The following LYZL1 variants were observed in gnomAD, a reference collection of about 807,000 sequenced individuals.
The protein encoded by LYZL1 is lysozyme-like protein 1.
Under a neutral mutation model 17.9 loss-of-function variants are expected in LYZL1, and 16 were observed. That is an observed-to-expected ratio of 0.90 (90% CI 0.61 to 1.36). The LOEUF (loss-of-function observed/expected upper bound fraction) is 1.36, where lower values mean the gene tolerates loss of function less well. LYZL1 is among the 40% of genes most tolerant of loss of function. LYZL1 has a pLI of 0.00. For missense variants in LYZL1, 149 were observed against 188.4 expected (o/e 0.79, Z 1.22); for synonymous variants, 58 against 71.8 (o/e 0.81, Z 0.97).
downstream of LYZL1, among the ~76,000 whole-genome samples, chr10:29,311,498 C>T (rs1013489556): frequency 2.6e-5 from 4 of 152,022 alleles, no homozygotes; most frequent in South Asian, 2.1e-4. Flanking sequence ...CCAGAAGGAC[C>T]GTCTATGCAT....
At chr10:29,292,715 C>A in intron 3 of LYZL1, 38 bp downstream of exon 3, 1 of 1,583,628 alleles carries the variant, frequency 6.3e-7, no homozygotes, top group Non-Finnish European at 8.6e-7. Flanking sequence ...ATCCTCAGGA[C>A]TAGGCGAGAA....
downstream of LYZL1, among the ~76,000 whole-genome samples, chr10:29,316,212 C>T (rs1835727866): frequency 6.6e-6 from 1 of 152,178 alleles, no homozygotes; most frequent in African/African-American, 2.4e-5. Flanking sequence ...CAGCACTCTG[C>T]CTTGAGCAGG....
At chr10:29,315,435 A>T (rs7393995), downstream of LYZL1, among the ~76,000 whole-genome samples, 1 of 151,798 alleles carries the variant, frequency 6.6e-6, no homozygotes, top group Middle Eastern at 3.2e-3. Context: ...TTGCTTGAAC[A>T]CTGAGGCGGA....
At chr10:29,317,991 T>G (rs558948713) in intron 4 of LYZL1, among the ~76,000 whole-genome samples, 48 of 152,242 alleles carry the variant, frequency 3.2e-4, no homozygotes, top group African/African-American at 8.7e-4. Flanking sequence ...TGCATTTTTC[T>G]TTGTCTATAA....
At chr10:29,304,882 A>G (rs1395876945) in intron 3 of LYZL1, among the ~76,000 whole-genome samples, 1 of 152,090 alleles carries the variant, frequency 6.6e-6, no homozygotes, top group African/African-American at 2.4e-5. Context: ...TGCGCAACTA[A>G]ATGCTATAAC....
chr10:29,301,577 T>C (rs185785724), intron 3 of LYZL1, among the ~76,000 whole-genome samples: 22 of 152,356 alleles, frequency 1.4e-4, no homozygotes, highest in Non-Finnish European at 2.9e-4. Flanking sequence ...GTCCCCTGTA[T>C]GTAATATGTC....
At chr10:29,289,546 G>A (rs545453126) in intron 1 of LYZL1, among the ~76,000 whole-genome samples, 1 of 150,908 alleles carries the variant, frequency 6.6e-6, no homozygotes, top group South Asian at 2.1e-4. Context: ...AGCCTCCCCA[G>A]TAGCTGGGAC....
At position 29,310,975 on chromosome 10, in the gene LYZL1, C is replaced by T. The variant is rs776703115; in HGVS notation, c.378-15C>T. 7 of 1,614,184 alleles carry T rather than the reference C, an allele frequency of 4.3e-6. No individual in the cohort carries two copies. Among genetic ancestry groups the T allele is most frequent in the Non-Finnish European group, 5.9e-6 (7 of 1,180,030 alleles). ...ACGCTTCTTTCTGCTGCTCCTGCTT[C>T]CCTCTCATCCTCAGGCAAGGCTGGA... is the stretch of plus-strand genomic sequence containing the variant. On this transcript the variant is annotated splice_polypyrimidine_tract_variant and intron_variant, in intron 4 of 4. Transcript: ENST00000649382.
downstream of LYZL1, among the ~76,000 whole-genome samples, chr10:29,314,844 G>A (rs931889213): frequency 3.9e-5 from 6 of 152,216 alleles, no homozygotes; most frequent in East Asian, 5.8e-4. Flanking sequence ...ATCGCCCAGG[G>A]GCCACAGCGC....
At position 29,302,293 on chromosome 10, in the gene LYZL1, T is replaced by C. The variant is rs370442342; in HGVS notation, c.299-7817T>C. Among the ~76,000 whole-genome samples, 8 of 152,366 alleles carry C rather than the reference T, an allele frequency of 5.3e-5. No homozygotes were observed. The East Asian group carries it at 7.7e-4, about 15-fold the overall frequency. On this transcript the variant is annotated intron_variant, in intron 3 of 4. Coordinates refer to ENST00000649382, the MANE Select transcript of LYZL1 (RefSeq NM_032517.6). Reference sequence around the variant, plus strand: ...CAAGAGATACACAGCAAAGGAGATGTAGCATAGACTAATTTATTGAAAAAG... The same window carrying C: ...CAAGAGATACACAGCAAAGGAGATGCAGCATAGACTAATTTATTGAAAAAG...
At chr10:29,308,023 A>C (rs1212235264) in intron 3 of LYZL1, among the ~76,000 whole-genome samples, 1 of 151,962 alleles carries the variant, frequency 6.6e-6, no homozygotes, top group Non-Finnish European at 1.5e-5. Flanking sequence ...CAAAAACAAA[A>C]ACAAAACAAA....
intron 3 of LYZL1, among the ~76,000 whole-genome samples, chr10:29,298,121 T>C (rs188199323): frequency 1.3e-5 from 2 of 152,048 alleles, no homozygotes; most frequent in African/African-American, 4.8e-5. Context: ...GAGGAGAATA[T>C]TAATAAAGAC....
chr10:29,313,693 T>G (rs950446789), downstream of LYZL1, among the ~76,000 whole-genome samples: 2 of 152,348 alleles, frequency 1.3e-5, no homozygotes, highest in African/African-American at 2.4e-5. Context: ...ATTAAAGCCT[T>G]CAGAAATTCA....
chr10:29,289,365 A>T, intron 1 of LYZL1, 135 bp downstream of exon 1: 1 of 557,682 alleles, frequency 1.8e-6, no homozygotes, highest in Non-Finnish European at 2.9e-6. Flanking sequence ...AAGGCAGGGG[A>T]TGGAAACCAA....
intron 1 of LYZL1, among the ~76,000 whole-genome samples, chr10:29,290,198 C>T (rs1416996541): frequency 6.6e-6 from 1 of 152,166 alleles, no homozygotes; most frequent in Non-Finnish European, 1.5e-5. Flanking sequence ...ACGGGATGAA[C>T]ATATGTAAGA....
At chr10:29,293,781 T>A (rs960187901) in intron 3 of LYZL1, among the ~76,000 whole-genome samples, 1 of 151,948 alleles carries the variant, frequency 6.6e-6, no homozygotes, top group African/African-American at 2.4e-5. Context: ...AAGACCAGCC[T>A]GACCAACACG....
intron 3 of LYZL1, among the ~76,000 whole-genome samples, chr10:29,300,354 A>T (rs1835500465): frequency 1.3e-5 from 2 of 152,118 alleles, no homozygotes; most frequent in African/African-American, 4.8e-5. Context: ...ATCGTATTAC[A>T]TTCTACCCTC....
intron 3 of LYZL1, among the ~76,000 whole-genome samples, chr10:29,305,506 G>A (rs1423561136): frequency 6.6e-6 from 1 of 152,162 alleles, no homozygotes; most frequent in African/African-American, 2.4e-5. Context: ...AGAACTGATG[G>A]AGATTTTGCG....
In LYZL1 at chr10:29,308,382, C is replaced by T. The variant is rs1227183180; in HGVS notation, c.299-1728C>T. Among the ~76,000 whole-genome samples, 4 of 152,338 alleles carry T rather than the reference C, an allele frequency of 2.6e-5. No individual in the cohort carries two copies. The East Asian group carries it at 7.7e-4, about 29-fold the overall frequency. ...GCTGCCCAATGAATTGCTGGGTCTG[C>T]GTCACAAATGGACATCTCCGTCTGC... On this transcript the variant is annotated intron_variant, in intron 3 of 4. Coordinates refer to ENST00000649382, the MANE Select transcript of LYZL1 (RefSeq NM_032517.6).
Sources: gnomAD v4.1 joint callset for allele counts (sites outside exome capture counted in the v4.1 genomes callset) on GRCh38, gnomAD v4.1.1 for gene constraint, MANE v1.5 for transcripts, NCBI Gene and HGNC (gene_info 2026-07-23, HGNC 2026-07-21) for gene names.